Variants in CNTN3 observed in about 807,000 individuals in gnomAD.
CNTN3 encodes the protein contactin-3.
CNTN3 carries 60 observed loss-of-function variants against 119.1 expected under a neutral mutation model. That is an observed-to-expected ratio of 0.50 (90% CI 0.41 to 0.62). The LOEUF is 0.62. CNTN3 is among the 20% of genes least tolerant of loss of function. CNTN3 has a pLI of 0.00. For synonymous variants in CNTN3, 450 were observed against 438.7 expected, an observed-to-expected ratio of 1.03 and a Z score of -0.32; for missense variants, 1,101 against 1,242.4, an observed-to-expected ratio of 0.89 and a Z score of 1.71.
chr3:74,603,663 G>A (rs1447094034), intron 1 of CNTN3, among the ~76,000 whole-genome samples: 1 of 151,900 alleles, frequency 6.6e-6, no homozygotes, highest in African/African-American at 2.4e-5. Flanking sequence ...GTTTGAAATG[G>A]AAGAAGATAC....
intron 1 of CNTN3, among the ~76,000 whole-genome samples, chr3:74,589,257 C>A (rs1704654763): frequency 6.6e-6 from 1 of 152,056 alleles, no homozygotes; most frequent in Non-Finnish European, 1.5e-5. Context: ...AACCAATTTA[C>A]AAGAAAAAAA....
intron 1 of CNTN3, among the ~76,000 whole-genome samples, chr3:74,599,275 A>G (rs1036450344): frequency 4.6e-5 from 7 of 152,086 alleles, no homozygotes; most frequent in African/African-American, 1.2e-4. Context: ...ATACTGCTCA[A>G]TTTGGAAAAC....
chr3:74,532,178 G>A (rs1466822394), intron 1 of CNTN3, among the ~76,000 whole-genome samples: 2 of 151,950 alleles, frequency 1.3e-5, no homozygotes, highest in Non-Finnish European at 2.9e-5. Context: ...TGAATAATGG[G>A]TGAAGAACCA....
chr3:74,299,973 C>G, intron 16 of CNTN3, 35 bp from the exon 17 acceptor site: 1 of 1,337,904 alleles, frequency 7.5e-7, no homozygotes, highest in Non-Finnish European at 1.0e-6. Flanking sequence ...TGAAATGGTA[C>G]TTGCATTTAG....
intron 11 of CNTN3, among the ~76,000 whole-genome samples, chr3:74,348,759 T>A (rs574342558): frequency 3.7e-4 from 56 of 152,172 alleles, no homozygotes; most frequent in South Asian, 8.3e-4. Context: ...CCTTGAGAGA[T>A]GATAAAATGA....
At chr3:74,337,414 C>T (rs950311341) in intron 11 of CNTN3, among the ~76,000 whole-genome samples, 2 of 152,088 alleles carry the variant, frequency 1.3e-5, no homozygotes, top group African/African-American at 4.8e-5. Context: ...CAACGTAGTA[C>T]TCTGTTTTCA....
chr3:74,521,040 T>G lies in CNTN3; in HGVS notation c.55+18A>C. ...ATACTTCTAACCTCAACTTAGAAAA[T>G]ATAGGATTTTTTTTTACCTCCTAAG... is the stretch of plus-strand genomic sequence containing the variant. On this transcript the variant is annotated intron_variant, in intron 2 of 22. Transcript: ENST00000263665. 1 of 1,544,820 alleles carries G rather than the reference T, an allele frequency of 6.5e-7. No individual in the cohort carries two copies.
At chr3:74,522,204 T>A (rs922086979) in intron 1 of CNTN3, among the ~76,000 whole-genome samples, 1 of 151,874 alleles carries the variant, frequency 6.6e-6, no homozygotes. Flanking sequence ...CTTAAAATAA[T>A]ATGTTAAGTC....
intron 20 of CNTN3, among the ~76,000 whole-genome samples, chr3:74,270,647 A>T (rs1469431857): frequency 6.6e-6 from 1 of 152,180 alleles, no homozygotes; most frequent in African/African-American, 2.4e-5. Flanking sequence ...ATTAGGAATG[A>T]GCAGGGGATA....
intron 2 of CNTN3, among the ~76,000 whole-genome samples, chr3:74,512,193 G>C (rs536967512): frequency 6.6e-6 from 1 of 152,064 alleles, no homozygotes. Context: ...ACCTCTGACT[G>C]AGGAATCATA....
At chr3:74,551,199 C>G (rs1421689887) in intron 1 of CNTN3, among the ~76,000 whole-genome samples, 1 of 152,212 alleles carries the variant, frequency 6.6e-6, no homozygotes, top group Non-Finnish European at 1.5e-5. Flanking sequence ...CTCCAGCCTA[C>G]TTTACAGCAA....
chr3:74,489,250 T>C (rs1305861712), intron 3 of CNTN3, among the ~76,000 whole-genome samples: 1 of 152,264 alleles, frequency 6.6e-6, no homozygotes, highest in Admixed American at 6.5e-5. Flanking sequence ...GTGACTAATA[T>C]GCATATTCAA....
At chr3:74,422,437 T>G (rs1263603580) in intron 5 of CNTN3, among the ~76,000 whole-genome samples, 1 of 152,222 alleles carries the variant, frequency 6.6e-6, no homozygotes, top group Non-Finnish European at 1.5e-5. Context: ...ATGAAAGGAC[T>G]ACCTGAAGTC....
At chr3:74,512,659 G>GAGT (rs1703386773) in intron 2 of CNTN3, among the ~76,000 whole-genome samples, 1 of 120,576 alleles carries the variant, frequency 8.3e-6, no homozygotes, top group Non-Finnish European at 1.6e-5. Context: ...CCATAGCACT[G>GAGT]AGTATTCTCA....
intron 5 of CNTN3, among the ~76,000 whole-genome samples, chr3:74,424,392 AAT>A (rs1232155160): frequency 0.016 from 1,415 of 89,152 alleles, 17 homozygotes; most frequent in African/African-American, 0.033. Flanking sequence ...TATGTGTATA[AAT>A]ATATATATAT....
At position 74,451,004 on chromosome 3, in the gene CNTN3, T is replaced by C. The variant is rs576524228; in HGVS notation, c.359-26064A>G. Reference sequence around the variant, plus strand: ...TGCATGTGTCTTTATAGCAGCATGATTTATAGTCCTTTGGGTATATACCCA... The same window carrying C: ...TGCATGTGTCTTTATAGCAGCATGACTTATAGTCCTTTGGGTATATACCCA... On this transcript the variant is annotated intron_variant, in intron 4 of 22. Coordinates refer to ENST00000263665, the MANE Select transcript of CNTN3 (RefSeq NM_020872.3). Among the ~76,000 whole-genome samples, 7 of 152,256 alleles carry C rather than the reference T, an allele frequency of 4.6e-5. 1 individual carries two copies. In the East Asian group the frequency reaches 7.7e-4, roughly 17 times the overall value.
chr3:74,581,350 GA>G (rs1273703532), intron 1 of CNTN3, among the ~76,000 whole-genome samples: 1 of 151,938 alleles, frequency 6.6e-6, no homozygotes, highest in Non-Finnish European at 1.5e-5. Context: ...TGAAAAAATA[GA>G]AAATAAATGC....
intron 2 of CNTN3, among the ~76,000 whole-genome samples, chr3:74,513,023 T>C (rs971963865): frequency 6.6e-6 from 1 of 150,798 alleles, no homozygotes; most frequent in African/African-American, 2.4e-5. Flanking sequence ...ACTAAAAATT[T>C]AATAATGAAA....
rs1228102734 is a variant in CNTN3, at chr3:74,263,141, A to G, written c.*1260T>C. The G allele has an allele frequency of 6.6e-6, 1 of 152,156 alleles. No individual in the cohort carries two copies. Among genetic ancestry groups the G allele is most frequent in the Non-Finnish European group, 1.5e-5 (1 of 68,002 alleles). 9.4% of individuals were successfully genotyped at this position (152,156 alleles called of 1,614,324 possible). On this transcript the variant is annotated 3_prime_UTR_variant, in exon 23 of 23. Coordinates refer to ENST00000263665, the MANE Select transcript of CNTN3 (RefSeq NM_020872.3). Reference sequence around the variant, plus strand: ...CTGATTTTGCAATGTTGAAAACTCAATCTGCTGATTTTAATTTATTCTCTA... The same window carrying G: ...CTGATTTTGCAATGTTGAAAACTCAGTCTGCTGATTTTAATTTATTCTCTA...
Sources: gnomAD v4.1 joint callset for allele counts (sites outside exome capture counted in the v4.1 genomes callset) on GRCh38, gnomAD v4.1.1 for gene constraint, MANE v1.5 for transcripts, NCBI Gene and HGNC (gene_info 2026-07-23, HGNC 2026-07-21) for gene names.